The following DAB1 variants were observed in gnomAD, a reference collection of about 807,000 sequenced individuals.
The protein encoded by DAB1 is disabled homolog 1.
DAB1 carries 15 observed loss-of-function variants against 64.6 expected under a neutral mutation model. The observed-to-expected ratio is 0.23, with a 90% CI of 0.16 to 0.36. The LOEUF is 0.36. Ranked by LOEUF, DAB1 falls within the 10% of genes least tolerant of loss-of-function variation. The pLI is 1.00. For missense variants in DAB1, 596 were observed against 706.7 expected, an observed-to-expected ratio of 0.84 and a Z score of 1.78; for synonymous variants, 235 against 251.9, an observed-to-expected ratio of 0.93 and a Z score of 0.64.
intron 4 of DAB1, among the ~76,000 whole-genome samples, chr1:57,129,879 C>T (rs1332164176): frequency 3.3e-5 from 5 of 152,016 alleles, no homozygotes; most frequent in African/African-American, 4.8e-5. Context: ...TGTAAGCTGA[C>T]GTAGTCATTG....
intron 7 of DAB1, among the ~76,000 whole-genome samples, chr1:57,556,954 A>G (rs1426116074): frequency 6.6e-6 from 1 of 152,034 alleles, no homozygotes; most frequent in African/African-American, 2.4e-5. Context: ...ATTTTTTTGT[A>G]TAAGGTGAGA....
At chr1:57,866,842 G>T (rs577255184) in intron 1 of DAB1, among the ~76,000 whole-genome samples, 2 of 152,130 alleles carry the variant, frequency 1.3e-5, no homozygotes, top group African/African-American at 2.4e-5. Context: ...TAAAGTCATC[G>T]TATTTATGAA....
chr1:57,171,421 G>A (rs1238124531), intron 2 of DAB1, among the ~76,000 whole-genome samples: 1 of 152,210 alleles, frequency 6.6e-6, no homozygotes, highest in African/African-American at 2.4e-5. Context: ...TGCAACACCT[G>A]CAAAGATCTT....
At chr1:57,810,424 A>G (rs562411182) in intron 6 of DAB1, among the ~76,000 whole-genome samples, 1 of 152,274 alleles carries the variant, frequency 6.6e-6, no homozygotes, top group Admixed American at 6.5e-5. Context: ...GGAAGTGTGC[A>G]TATGTGAAAT....
intron 4 of DAB1, among the ~76,000 whole-genome samples, chr1:58,216,261 T>C (rs1658847298): frequency 6.6e-6 from 1 of 152,066 alleles, no homozygotes; most frequent in Non-Finnish European, 1.5e-5. Context: ...CTCCCACTTA[T>C]GAGTGAGAAC....
chr1:57,695,279 A>AG (rs1646812189), intron 6 of DAB1, among the ~76,000 whole-genome samples: 2 of 139,554 alleles, frequency 1.4e-5, no homozygotes, highest in African/African-American at 2.7e-5. Flanking sequence ...GAAGGAAGGA[A>AG]GGAAGAAAGG....
intron 4 of DAB1, among the ~76,000 whole-genome samples, chr1:58,195,739 C>T (rs961083489): frequency 2.0e-5 from 3 of 152,150 alleles, no homozygotes; most frequent in Admixed American, 2.0e-4. Context: ...AAGTGCAACA[C>T]ATATGGAATA....
intron 6 of DAB1, among the ~76,000 whole-genome samples, chr1:57,759,770 A>C (rs74075849): frequency 0.013 from 1,953 of 152,292 alleles, 41 homozygotes; most frequent in African/African-American, 0.044. Context: ...AGAATAGGTG[A>C]GACATGATAG....
At chr1:58,216,050 C>T (rs879868651) in intron 4 of DAB1, among the ~76,000 whole-genome samples, 3 of 152,128 alleles carry the variant, frequency 2.0e-5, no homozygotes, top group Non-Finnish European at 2.9e-5. Flanking sequence ...TTTTATTATA[C>T]TTTAAGTTCT....
intron 6 of DAB1, among the ~76,000 whole-genome samples, chr1:57,729,916 A>C (rs866070165): frequency 1.9e-4 from 29 of 152,322 alleles, no homozygotes; most frequent in African/African-American, 6.3e-4. Context: ...AAAATAAAAT[A>C]AAATCTTATT....
intron 3 of DAB1, among the ~76,000 whole-genome samples, chr1:58,446,047 T>C (rs1384293036): frequency 1.3e-5 from 2 of 152,228 alleles, no homozygotes; most frequent in Non-Finnish European, 2.9e-5. Context: ...ACATCCCCGG[T>C]CCCGGACAAC....
At chr1:57,735,902 A>G (rs2101781790) in intron 6 of DAB1, among the ~76,000 whole-genome samples, 1 of 152,226 alleles carries the variant, frequency 6.6e-6, no homozygotes, top group Admixed American at 6.5e-5. Flanking sequence ...ACTTCTAGAG[A>G]ATAAAATCAA....
intron 2 of DAB1, among the ~76,000 whole-genome samples, chr1:57,196,299 A>G (rs1664614609): frequency 6.6e-6 from 1 of 152,214 alleles, no homozygotes; most frequent in South Asian, 2.1e-4. Flanking sequence ...AGTTTTATCT[A>G]CGTTAGCTCA....
chr1:57,614,275 A>G (rs543484510), intron 7 of DAB1, among the ~76,000 whole-genome samples: 2 of 152,338 alleles, frequency 1.3e-5, no homozygotes, highest in South Asian at 4.1e-4. Context: ...ACAAACAAAC[A>G]AACCCCAAAT....
rs1368355796 is a variant in DAB1 at position 57,071,484 on chromosome 1, G to A, written c.558+38C>T. ...AGTTTTTACATGTGTTTATTTGAAG[G>A]CCCGATCTCCAGCGCAAGGATAAAT... On this transcript the variant is annotated intron_variant, in intron 6 of 14. Coordinates refer to ENST00000371236, the MANE Select transcript of DAB1 (RefSeq NM_001365792.1). 10 of 1,592,488 alleles carry A rather than the reference G, an allele frequency of 6.3e-6. No individual in the cohort carries two copies. In the South Asian group the frequency reaches 1.2e-4, roughly 18 times the overall value.
At chr1:58,530,801 A>G in intron 1 of DAB1, 1 of 784,316 alleles carries the variant, frequency 1.3e-6, no homozygotes, top group Admixed American at 1.9e-5. Context: ...TTTCTAGTTC[A>G]TCATGTGTTA....
chr1:57,628,179 G>A (rs942122009), intron 7 of DAB1, among the ~76,000 whole-genome samples: 1 of 152,190 alleles, frequency 6.6e-6, no homozygotes. Flanking sequence ...CTCCTCATTT[G>A]TAAAACAGAT....
chr1:57,701,670 G>A (rs888970547), intron 6 of DAB1, among the ~76,000 whole-genome samples: 1 of 151,678 alleles, frequency 6.6e-6, no homozygotes. Context: ...TTGTGCATAT[G>A]TACCCTAAAA....
chr1:57,437,427 A>T (rs1685736302), intron 7 of DAB1, among the ~76,000 whole-genome samples: 1 of 152,228 alleles, frequency 6.6e-6, no homozygotes, highest in East Asian at 1.9e-4. Flanking sequence ...ATAAAAAAGA[A>T]TGTAATTGCT....
Sources: allele counts gnomAD v4.1 joint callset (sites outside exome capture counted in the v4.1 genomes callset), GRCh38; gene constraint gnomAD v4.1.1; transcripts MANE v1.5; gene names NCBI Gene and HGNC (gene_info 2026-07-23, HGNC 2026-07-21).